The following TRAF3 variants were observed in gnomAD, a reference collection of about 807,000 sequenced individuals.
The protein encoded by TRAF3 is TNF receptor associated factor 3.
Under a neutral mutation model 62.3 loss-of-function variants are expected in TRAF3, and 13 were observed. The observed-to-expected ratio is 0.21, with a 90% CI of 0.14 to 0.33. TRAF3 has a LOEUF of 0.33. Ranked by LOEUF, TRAF3 falls within the 10% of genes least tolerant of loss-of-function variation. The pLI, the probability that TRAF3 is intolerant of heterozygous loss-of-function variation, is 1.00. For synonymous variants in TRAF3, 269 were observed against 283.4 expected, an observed-to-expected ratio of 0.95 and a Z score of 0.51; for missense variants, 440 against 741.8, an observed-to-expected ratio of 0.59 and a Z score of 4.73.
chr14:102,856,458 T>A (rs925476666), intron 2 of TRAF3, among the ~76,000 whole-genome samples: 1 of 152,212 alleles, frequency 6.6e-6, no homozygotes, highest in African/African-American at 2.4e-5. Flanking sequence ...TTTAGCATGC[T>A]GATGCATTAT....
intron 1 of TRAF3, among the ~76,000 whole-genome samples, chr14:102,827,996 A>T (rs963187221): frequency 1.3e-5 from 2 of 152,198 alleles, no homozygotes; most frequent in Non-Finnish European, 1.5e-5. Context: ...AGATTCCCGC[A>T]GGGCGTACCT....
intron 1 of TRAF3, among the ~76,000 whole-genome samples, chr14:102,813,795 T>C (rs1298826494): frequency 6.6e-6 from 1 of 152,134 alleles, no homozygotes; most frequent in African/African-American, 2.4e-5. Flanking sequence ...GCTGTTGAGA[T>C]GTGTGAGTTC....
intron 2 of TRAF3, among the ~76,000 whole-genome samples, chr14:102,850,926 A>T (rs1181388514): frequency 6.6e-6 from 1 of 152,150 alleles, no homozygotes; most frequent in Admixed American, 6.5e-5. Context: ...CTCAAACCTG[A>T]TGCTCAGTGA....
At chr14:102,818,311 T>C (rs1219160190) in intron 1 of TRAF3, among the ~76,000 whole-genome samples, 3 of 152,230 alleles carry the variant, frequency 2.0e-5, no homozygotes, top group African/African-American at 4.8e-5. Context: ...TTTTTCTTTT[T>C]GTACAATTTT....
chr14:102,901,591 T>G (rs182321816), intron 10 of TRAF3, among the ~76,000 whole-genome samples: 30 of 152,282 alleles, frequency 2.0e-4, no homozygotes, highest in Admixed American at 5.9e-4. Context: ...CATGTATGAT[T>G]GTGTAAAATA....
chr14:102,813,044 C>T (rs187594343), intron 1 of TRAF3, among the ~76,000 whole-genome samples: 2 of 152,022 alleles, frequency 1.3e-5, no homozygotes, highest in Non-Finnish European at 1.5e-5. Context: ...GGCACAATCT[C>T]GGCTCACCAC....
At chr14:102,900,255 C>A (rs1890222733) in intron 10 of TRAF3, among the ~76,000 whole-genome samples, 1 of 150,822 alleles carries the variant, frequency 6.6e-6, no homozygotes, top group Non-Finnish European at 1.5e-5. Context: ...ATATTCCCAG[C>A]ACTTTGGAAG....
At position 102,907,216 on chromosome 14, in the gene TRAF3, G is replaced by C. The variant is rs545972118; in HGVS notation, c.*1432G>C. 2 of 152,268 alleles carry C rather than the reference G, an allele frequency of 1.3e-5. No individual in the cohort carries two copies. The highest frequency in any genetic ancestry group is 2.9e-5 in the Non-Finnish European group (2 of 68,070). 9.4% of individuals were successfully genotyped at this position (152,268 alleles called of 1,614,324 possible). On this transcript the variant is annotated 3_prime_UTR_variant, in exon 12 of 12. Coordinates refer to ENST00000392745, the MANE Select transcript of TRAF3 (RefSeq NM_145725.3). ...GCCTCTCCGTGTCCCCACCGGGGCC[G>C]TGGGCACCCCCACAGCCCGAAGCAG...
At chr14:102,811,913 CTTTTTTTTTTTTTTTT>C (rs71119743) in intron 1 of TRAF3, among the ~76,000 whole-genome samples, 2 of 47,076 alleles carry the variant, frequency 4.2e-5, no homozygotes, top group Admixed American at 3.5e-4. Context: ...ATGCCTGGCC[CTTTTTTTTTTTTTTTT>C]TTTTTTTTTT....
rs1888651786 is a variant in TRAF3 at position 102,876,416 on chromosome 14, A to G, written c.461A>G (p.Lys154Arg). 6.2e-7 allele frequency: 1 copy of G among 1,614,138 alleles called. No individual in the cohort carries two copies. The highest frequency in any genetic ancestry group is 1.3e-5 in the African/African-American group (1 of 74,948). The change falls in exon 6 of 12, where the codon AAA becomes AGA. Residue 154 changes from lysine (K) to arginine (R), a missense_variant. By Grantham distance (26) the Lys-to-Arg change is conservative. This residue lies in a region of TRAF3 where 255 missense variants were observed against 424.1 expected (regional missense o/e 0.60). Coordinates refer to ENST00000392745, the MANE Select transcript of TRAF3 (RefSeq NM_145725.3). ...CTTCCATGTGTGCGTCCTGACTGCA[A>G]AGAAAAGGTCTTGAGGAAAGACCTG... The part of the protein sequence containing the change: ...EELPCVRPDC[K>R]EKVLRKDLRD...
chr14:102,798,674 T>C (rs1037462865), intron 1 of TRAF3, among the ~76,000 whole-genome samples: 2 of 152,124 alleles, frequency 1.3e-5, no homozygotes, highest in African/African-American at 4.8e-5. Context: ...ATGGGGCCTC[T>C]ATGTTGCCCA....
chr14:102,866,731 G>T, intron 2 of TRAF3, among the ~76,000 whole-genome samples: 1 of 152,018 alleles, frequency 6.6e-6, no homozygotes, highest in East Asian at 1.9e-4. Flanking sequence ...TATAATCCTA[G>T]CTACTCTGGA....
intron 1 of TRAF3, among the ~76,000 whole-genome samples, chr14:102,820,089 G>A (rs111958313): frequency 2.6e-5 from 4 of 152,312 alleles, no homozygotes; most frequent in African/African-American, 7.2e-5. Flanking sequence ...GGGCACTCCC[G>A]GCAGGTCCTG....
intron 1 of TRAF3, among the ~76,000 whole-genome samples, chr14:102,801,012 A>G (rs975678061): frequency 2.6e-5 from 4 of 152,094 alleles, no homozygotes; most frequent in Admixed American, 1.3e-4. Flanking sequence ...TAAAAATACA[A>G]AAAATTAGCC....
chr14:102,892,738 A>C (rs1198933776), intron 9 of TRAF3, among the ~76,000 whole-genome samples: 1 of 152,208 alleles, frequency 6.6e-6, no homozygotes, highest in African/African-American at 2.4e-5. Context: ...AGGAGTCTAA[A>C]ATTTTAAATA....
Position 102,876,339 on chromosome 14 carries a change from T to G in TRAF3, c.403-19T>G. 1 of 1,613,852 alleles carries G rather than the reference T, an allele frequency of 6.2e-7. No homozygotes were observed. The highest frequency in any genetic ancestry group is 8.5e-7 in the Non-Finnish European group (1 of 1,179,826). On this transcript the variant is annotated intron_variant, in intron 5 of 11. Transcript: ENST00000392745. ...GGGTTTTTTTCCCAATTAAGAACAT[T>G]GAATGGTCTGTCTTACAGGTGCATT...
intron 1 of TRAF3, among the ~76,000 whole-genome samples, chr14:102,784,235 T>A (rs1897385866): frequency 9.6e-6 from 1 of 104,418 alleles, no homozygotes; most frequent in Non-Finnish European, 2.3e-5. Context: ...TTTTTTTTTT[T>A]TTTTTTTGAG....
intron 1 of TRAF3, among the ~76,000 whole-genome samples, chr14:102,807,906 A>G (rs1898870899): frequency 6.6e-6 from 1 of 152,218 alleles, no homozygotes; most frequent in South Asian, 2.1e-4. Context: ...GAAAACTAGC[A>G]CCATGGCCTT....
intron 1 of TRAF3, among the ~76,000 whole-genome samples, chr14:102,823,930 C>T (rs1267483179): frequency 1.3e-5 from 2 of 152,154 alleles, no homozygotes; most frequent in African/African-American, 4.8e-5. Flanking sequence ...TGCATGTATG[C>T]ATCGGTTGTT....
Sources: gnomAD v4.1 joint callset for allele counts (sites outside exome capture counted in the v4.1 genomes callset) on GRCh38, gnomAD v4.1.1 for gene constraint, gnomAD v4.1.1 regional missense constraint, MANE v1.5 for transcripts, NCBI Gene and HGNC (gene_info 2026-07-23, HGNC 2026-07-21) for gene names.